The following CFAP299 variants were observed in gnomAD, a reference collection of about 807,000 sequenced individuals.
CFAP299 encodes cilia and flagella associated protein 299.
In CFAP299, 21 loss-of-function variants were observed where a neutral mutation model predicts 27.0. That is an observed-to-expected ratio of 0.78 (90% CI 0.55 to 1.12). CFAP299 has a LOEUF of 1.12. Ranked by LOEUF, CFAP299 falls within the 50% of genes most tolerant of loss-of-function variation. The probability of loss-of-function intolerance (pLI) is 0.00; values close to 1 mark genes in which losing one functional copy is unlikely to be tolerated. For synonymous variants in CFAP299, 104 were observed against 98.1 expected (o/e 1.06, Z -0.36); for missense variants, 310 against 276.6 (o/e 1.12, Z -0.86).
At chr4:80,866,436 C>G (rs1732751861) in intron 3 of CFAP299, among the ~76,000 whole-genome samples, 1 of 151,982 alleles carries the variant, frequency 6.6e-6, no homozygotes, top group South Asian at 2.1e-4. Context: ...CTCTGTTGCT[C>G]TACATACTTA....
At chr4:80,700,857 G>A (rs1025480723) in intron 3 of CFAP299, among the ~76,000 whole-genome samples, 8 of 151,438 alleles carry the variant, frequency 5.3e-5, no homozygotes, top group African/African-American at 1.9e-4. Context: ...GGGTAGGAGA[G>A]GCATAAACAA....
intron 3 of CFAP299, among the ~76,000 whole-genome samples, chr4:80,615,174 TA>T (rs1196076789): frequency 3.3e-5 from 5 of 152,212 alleles, no homozygotes; most frequent in Non-Finnish European, 7.3e-5. Context: ...CAGCTGCTAA[TA>T]TTTACTAGTC....
chr4:80,810,928 G>T (rs1277311227), intron 3 of CFAP299, among the ~76,000 whole-genome samples: 3 of 152,046 alleles, frequency 2.0e-5, no homozygotes, highest in Non-Finnish European at 4.4e-5. Context: ...CATGCCAGCT[G>T]CCCCACTCAT....
chr4:80,623,157 A>T (rs773307739), intron 3 of CFAP299, among the ~76,000 whole-genome samples: 16 of 152,096 alleles, frequency 1.1e-4, no homozygotes, highest in Admixed American at 3.9e-4. Context: ...GAAATAAGGA[A>T]GGCTAATATT....
intron 4 of CFAP299, among the ~76,000 whole-genome samples, chr4:80,876,889 T>C (rs113114679): frequency 5.3e-5 from 8 of 152,200 alleles, no homozygotes; most frequent in African/African-American, 1.9e-4. Context: ...GCAATCCTGC[T>C]GTCCACAGTT....
At position 80,376,709 on chromosome 4, in the gene CFAP299, C is replaced by A. The variant is rs114865891; in HGVS notation, c.242+13825C>A. Among the ~76,000 whole-genome samples, 1,376 of 152,264 alleles carry A rather than the reference C, an allele frequency of 9.0e-3. 24 individuals are homozygous for A. Among genetic ancestry groups the A allele is most frequent in the African/African-American group, 0.031 (1,308 of 41,546 alleles). ...CACTATTGTCACCCAGGTGACAATG[C>A]AATGGCATGATTTTGGCTCACTGCA... On this transcript the variant is annotated intron_variant, in intron 2 of 5. Coordinates refer to ENST00000358105, the MANE Select transcript of CFAP299 (RefSeq NM_152770.3).
At chr4:80,464,899 C>G (rs1232934463) in intron 2 of CFAP299, among the ~76,000 whole-genome samples, 1 of 151,996 alleles carries the variant, frequency 6.6e-6, no homozygotes, top group African/African-American at 2.4e-5. Context: ...ATTTAATATT[C>G]TACTCTGACA....
At chr4:80,704,039 G>C (rs1721674677) in intron 3 of CFAP299, among the ~76,000 whole-genome samples, 1 of 151,528 alleles carries the variant, frequency 6.6e-6, no homozygotes. Flanking sequence ...TTTTGCTTTA[G>C]ACTAAGAAAA....
intron 3 of CFAP299, among the ~76,000 whole-genome samples, chr4:80,791,236 A>G (rs1017629949): frequency 6.6e-6 from 1 of 152,000 alleles, no homozygotes; most frequent in African/African-American, 2.4e-5. Context: ...CCTATTATGG[A>G]TAGGAAGTTC....
At chr4:80,720,436 A>G (rs946115105) in intron 3 of CFAP299, among the ~76,000 whole-genome samples, 1 of 152,124 alleles carries the variant, frequency 6.6e-6, no homozygotes, top group Admixed American at 6.5e-5. Flanking sequence ...ACAAACCTTA[A>G]AAGTAAGACC....
intron 2 of CFAP299, among the ~76,000 whole-genome samples, chr4:80,408,613 A>T (rs1307245925): frequency 1.3e-5 from 2 of 152,030 alleles, no homozygotes; most frequent in Non-Finnish European, 2.9e-5. Context: ...TCAGAATGTG[A>T]AATTAACTTG....
intron 2 of CFAP299, among the ~76,000 whole-genome samples, chr4:80,383,194 G>A (rs1214656749): frequency 6.6e-6 from 1 of 152,000 alleles, no homozygotes; most frequent in African/African-American, 2.4e-5. Context: ...GTGGAGGGTG[G>A]GAGGGGGAAG....
intron 3 of CFAP299, among the ~76,000 whole-genome samples, chr4:80,800,247 T>C (rs1174639516): frequency 2.9e-5 from 2 of 69,828 alleles, no homozygotes; most frequent in South Asian, 4.7e-4. Context: ...ATATAATATA[T>C]AATATATATT....
intron 2 of CFAP299, among the ~76,000 whole-genome samples, chr4:80,522,007 T>C (rs1299827134): frequency 1.3e-5 from 2 of 152,008 alleles, no homozygotes; most frequent in Admixed American, 6.6e-5. Flanking sequence ...CATCATATGA[T>C]AGTTCTTTTT....
In CFAP299 at chr4:80,635,006, T is replaced by A. The variant is rs892664979; in HGVS notation, c.333+51823T>A. ...TGAGATCATTATAAATCATCTCTTA[T>A]TATGCTGTCTCCCAGAGAAATATAA... On this transcript the variant is annotated intron_variant, in intron 3 of 5. Coordinates refer to ENST00000358105, the MANE Select transcript of CFAP299 (RefSeq NM_152770.3). Among the ~76,000 whole-genome samples the A allele has an allele frequency of 4.6e-5, 7 of 152,172 alleles. No individual in the cohort carries two copies. The South Asian group carries it at 1.4e-3, about 31-fold the overall frequency.
chr4:80,775,833 G>A (rs1235804554), intron 3 of CFAP299, among the ~76,000 whole-genome samples: 1 of 152,080 alleles, frequency 6.6e-6, no homozygotes, highest in Non-Finnish European at 1.5e-5. Flanking sequence ...TGTTTTCTTT[G>A]ATATTATTTT....
At chr4:80,449,397 C>G (rs997430415) in intron 2 of CFAP299, among the ~76,000 whole-genome samples, 2 of 151,796 alleles carry the variant, frequency 1.3e-5, no homozygotes, top group African/African-American at 4.8e-5. Context: ...TTTATTATCT[C>G]AACCTTCATT....
intron 2 of CFAP299, chr4:80,386,268 G>T: frequency 8.2e-7 from 1 of 1,217,620 alleles, no homozygotes; most frequent in Non-Finnish European, 1.2e-6. Flanking sequence ...CCAGGTTGGA[G>T]CCCAGCCCCT....
intron 3 of CFAP299, among the ~76,000 whole-genome samples, chr4:80,813,252 T>C (rs1468972634): frequency 1.3e-5 from 2 of 151,996 alleles, no homozygotes; most frequent in African/African-American, 4.8e-5. Flanking sequence ...TAGAATGTCA[T>C]TAAATGTATA....
Sources: gnomAD v4.1 joint callset for allele counts (sites outside exome capture counted in the v4.1 genomes callset) on GRCh38, gnomAD v4.1.1 for gene constraint, MANE v1.5 for transcripts, NCBI Gene and HGNC (gene_info 2026-07-23, HGNC 2026-07-21) for gene names.